GCH1: variants seen among roughly 807,000 people sequenced by gnomAD.
The protein encoded by GCH1 is GTP cyclohydrolase I.
Under a neutral mutation model 25.9 loss-of-function variants are expected in GCH1, and 5 were observed. The ratio of observed to expected loss-of-function variants is 0.19; its 90% CI spans 0.10 to 0.41. The LOEUF (loss-of-function observed/expected upper bound fraction) is 0.41, where lower values mean the gene tolerates loss of function less well. GCH1 is among the 10% of genes least tolerant of loss of function. GCH1 has a pLI of 1.00. For missense variants in GCH1, 261 were observed against 336.5 expected (o/e 0.78, Z 1.75); for synonymous variants, 159 against 129.6 (o/e 1.23, Z -1.54).
chr14:54,843,777 C>T lies in GCH1; in HGVS notation c.*240G>A, dbSNP rs375978594. Reference sequence around the variant, plus strand: ...ATCTGGCAGTGGTTTTGTGCACGTACTTACACTATTAGCAGTTCACTTTAA... The same window carrying T: ...ATCTGGCAGTGGTTTTGTGCACGTATTTACACTATTAGCAGTTCACTTTAA... On this transcript the variant is annotated 3_prime_UTR_variant, in exon 6 of 6. Transcript: ENST00000491895. The T allele has an allele frequency of 3.1e-6, 5 of 1,613,968 alleles. No homozygotes were observed. In the African/African-American group the frequency reaches 5.3e-5, roughly 17 times the overall value.
intron 1 of GCH1, 138 bp from the exon 2 acceptor site, chr14:54,865,574 T>C (rs1259510458): frequency 3.1e-6 from 2 of 652,420 alleles, no homozygotes; most frequent in Non-Finnish European, 5.5e-6. Flanking sequence ...TAAAACTAGA[T>C]ATTTTTCCTT....
intron 4 of GCH1, among the ~76,000 whole-genome samples, chr14:54,846,437 G>A (rs961038366): frequency 2.0e-5 from 3 of 152,094 alleles, no homozygotes; most frequent in Admixed American, 6.6e-5. Flanking sequence ...TGGCATATAC[G>A]GTAGGATTCT....
intron 1 of GCH1, among the ~76,000 whole-genome samples, chr14:54,876,530 G>T (rs1159839205): frequency 6.6e-6 from 1 of 152,002 alleles, no homozygotes; most frequent in African/African-American, 2.4e-5. Context: ...ATGGTGATAT[G>T]TGCCTATAGT....
At chr14:54,883,065 A>G (rs1464358967) in intron 1 of GCH1, among the ~76,000 whole-genome samples, 1 of 152,146 alleles carries the variant, frequency 6.6e-6, no homozygotes, top group African/African-American at 2.4e-5. Flanking sequence ...CTGAGGGTAC[A>G]TGAGGGTTGA....
At chr14:54,864,415 G>A (rs1218735924) in intron 2 of GCH1, among the ~76,000 whole-genome samples, 1 of 152,066 alleles carries the variant, frequency 6.6e-6, no homozygotes, top group Non-Finnish European at 1.5e-5. Flanking sequence ...GTAGGGAAAT[G>A]GGACAACTCT....
rs1457270763 is a variant in GCH1 at position 54,902,608 on chromosome 14, C to A, written c.56G>T (p.Ser19Ile). ...PAEKPRGARC[S>I]NGFPERDPPR... The stretch of plus-strand genomic sequence containing the variant: ...CGGATCCCGCTCGGGGAACCCATTG[C>A]TGCACCTGGCGCCCCGCGGCTTCTC... The change falls in exon 1 of 6, where the codon AGC (serine) becomes ATC (isoleucine). Residue 19 changes from serine (S) to isoleucine (I), a missense_variant. Transcript: ENST00000491895. 6.7e-7 allele frequency: 1 copy of A among 1,493,236 alleles called. No homozygotes were observed. The highest frequency in any genetic ancestry group is 1.3e-5 in the South Asian group (1 of 77,860). The allele number at this position is 1,493,236 out of a possible 1,614,324, so 92.5% of individuals were successfully genotyped here. A position where few individuals can be genotyped will look rare whatever the true frequency, so the allele number is the denominator to read the frequency against.
chr14:54,844,188 G>A, intron 5 of GCH1, 45 bp from the exon 6 acceptor site: 2 of 1,381,738 alleles, frequency 1.4e-6, no homozygotes, highest in African/African-American at 1.4e-5. Flanking sequence ...GTAGACAGCT[G>A]CTGGTTTGGT....
intron 1 of GCH1, chr14:54,885,540 G>A: frequency 2.7e-6 from 1 of 368,214 alleles, no homozygotes; most frequent in South Asian, 2.5e-5. Flanking sequence ...GATACAAGCA[G>A]ATCTGCCCCC....
chr14:54,891,099 T>G (rs1277889337), intron 1 of GCH1, among the ~76,000 whole-genome samples: 4 of 141,954 alleles, frequency 2.8e-5, no homozygotes, highest in Admixed American at 2.8e-4. Context: ...ATTCATAAGG[T>G]TTTTTTGTTT....
intron 3 of GCH1, among the ~76,000 whole-genome samples, chr14:54,853,488 C>T (rs960749293): frequency 1.3e-5 from 2 of 152,174 alleles, no homozygotes; most frequent in African/African-American, 2.4e-5. Context: ...AGTGGATTCT[C>T]ACTAGAATTG....
In GCH1 at chr14:54,866,937, TTCTTC is replaced by T. The variant is rs554987961; in HGVS notation, c.344-1506_344-1502del. ...AGGCGCAGTGTCACTCACTGAGTAT[TTCTTC>T]TACCACAGCACTTTTCTATGCTGAA... is the stretch of plus-strand genomic sequence containing the variant. On this transcript the variant is annotated intron_variant, in intron 1 of 5. Transcript: ENST00000491895. Among the ~76,000 whole-genome samples, 5 of 152,316 alleles carry T rather than the reference TTCTTC, an allele frequency of 3.3e-5. No homozygotes were observed. In the South Asian group the frequency reaches 1.0e-3, roughly 32 times the overall value.
intron 1 of GCH1, among the ~76,000 whole-genome samples, chr14:54,882,550 C>A (rs759351982): frequency 4.6e-5 from 7 of 152,152 alleles, no homozygotes; most frequent in Non-Finnish European, 1.0e-4. Context: ...CACACACTTG[C>A]CAAATTTAGT....
intron 1 of GCH1, among the ~76,000 whole-genome samples, chr14:54,895,489 A>G (rs1290327394): frequency 6.6e-6 from 1 of 152,252 alleles, no homozygotes; most frequent in Admixed American, 6.5e-5. Flanking sequence ...TTGGTAGATA[A>G]TGCTGTCTGA....
chr14:54,850,531 C>T (rs1348265855), intron 3 of GCH1, among the ~76,000 whole-genome samples: 6 of 151,860 alleles, frequency 4.0e-5, no homozygotes, highest in African/African-American at 1.5e-4. Context: ...GGTACATGTG[C>T]ACAACGTGCA....
Position 54,902,636 on chromosome 14 carries a change from CCGG to C in GCH1, c.25_27del (p.Pro9del), listed in dbSNP as rs771905760. 2 of 1,484,116 alleles carry C rather than the reference CCGG, an allele frequency of 1.3e-6. No individual in the cohort carries two copies. The highest frequency in any genetic ancestry group is 2.6e-5 in the South Asian group (2 of 77,570). The allele number at this position is 1,484,116 out of a possible 1,614,324, so 91.9% of individuals were successfully genotyped here. Reference sequence around the variant, plus strand: ...CACCTGGCGCCCCGCGGCTTCTCCGCCGGTGCCCGCACAGGGCCCTTCTCCATG... The same window carrying C: ...CACCTGGCGCCCCGCGGCTTCTCCGCTGCCCGCACAGGGCCCTTCTCCATG... On this transcript the variant is annotated inframe_deletion, in exon 1 of 6. Transcript: ENST00000491895.
intron 1 of GCH1, among the ~76,000 whole-genome samples, chr14:54,867,781 G>A (rs935456024): frequency 5.9e-5 from 9 of 151,964 alleles, no homozygotes; most frequent in Admixed American, 4.6e-4. Flanking sequence ...GCTAGTTATT[G>A]TTATTACTAT....
intron 2 of GCH1, among the ~76,000 whole-genome samples, chr14:54,864,840 A>G (rs1200862185): frequency 1.3e-5 from 2 of 152,226 alleles, no homozygotes; most frequent in Non-Finnish European, 2.9e-5. Context: ...TTTTCCTAAT[A>G]TAGAAAGGAA....
chr14:54,885,768 A>G (rs1440040969), intron 1 of GCH1, among the ~76,000 whole-genome samples: 1 of 152,212 alleles, frequency 6.6e-6, no homozygotes, highest in Non-Finnish European at 1.5e-5. Flanking sequence ...ATGCGCCTGT[A>G]GTCCTGGCTA....
intron 2 of GCH1, among the ~76,000 whole-genome samples, chr14:54,862,359 C>A (rs1287037948): frequency 6.7e-6 from 1 of 149,832 alleles, no homozygotes; most frequent in East Asian, 1.9e-4. Context: ...AAGTCTTCAG[C>A]ACCCTTATGA....
Sources: gnomAD v4.1 joint callset for allele counts (sites outside exome capture counted in the v4.1 genomes callset) on GRCh38, gnomAD v4.1.1 for gene constraint, MANE v1.5 for transcripts, NCBI Gene and HGNC (gene_info 2026-07-23, HGNC 2026-07-21) for gene names.